Variants in OSR2 observed in about 807,000 individuals in gnomAD.
OSR2 encodes odd-skipped related transciption factor 2, also known as protein odd-skipped-related 2.
In OSR2, 8 loss-of-function variants were observed where a neutral mutation model predicts 22.3. The ratio of observed to expected loss-of-function variants is 0.36; its 90% CI spans 0.21 to 0.65. OSR2 has a LOEUF of 0.65. Ranked by LOEUF, OSR2 falls within the 30% of genes least tolerant of loss-of-function variation. The pLI is 0.66. For synonymous variants in OSR2, 179 were observed against 173.8 expected (o/e 1.03, Z -0.23); for missense variants, 311 against 413.4 (o/e 0.75, Z 2.15).
At position 98,951,687 on chromosome 8, in the gene OSR2, C is replaced by T. The variant is rs773477860; in HGVS notation, c.925C>T (p.Arg309Trp). The change falls in exon 4 of 4, where the codon CGG becomes TGG. Residue 309 changes from arginine to tryptophan, a missense_variant. Physicochemically the swap from Arg to Trp is moderately radical, Grantham distance 101. Around this residue, in one of 5 missense-constraint regions of OSR2, gnomAD observed 70 missense variants for 84.5 expected, o/e 0.83. Coordinates refer to ENST00000297565, the MANE Select transcript of OSR2 (RefSeq NM_001142462.3). ...LRRHSLTHTPRQDF is the reference protein window; with the variant it reads ...LRRHSLTHTPWQDF ...GCGGCACAGCCTGACTCACACCCCGCGGCAGGACTTCTAGAGAAGCCCAGG... is the reference window on the plus strand; with the variant it reads ...GCGGCACAGCCTGACTCACACCCCGTGGCAGGACTTCTAGAGAAGCCCAGG... 27 of 1,613,090 alleles carry T rather than the reference C, an allele frequency of 1.7e-5. No individual in the cohort carries two copies. Among genetic ancestry groups the T allele is most frequent in the East Asian group, 1.1e-4 (5 of 44,866 alleles).
Position 98,948,376 on chromosome 8 carries a change from G to T in OSR2, c.-114-463G>T. 1 of 1,488,958 alleles carries T rather than the reference G, an allele frequency of 6.7e-7. No homozygotes were observed. The highest frequency in any genetic ancestry group is 8.9e-7 in the Non-Finnish European group (1 of 1,121,624). 92.2% of individuals were successfully genotyped at this position (1,488,958 alleles called of 1,614,324 possible). ...GCGCGTGGGATCTCACGACCCATCC[G>T]TTAACCCACCGTTCCCAGGAGCTCC... On this transcript the variant is annotated intron_variant, in intron 1 of 3. Transcript: ENST00000297565. The surrounding 1 kb of genome is among the most constrained non-coding windows in gnomAD (Gnocchi z 6.0).
At chr8:98,947,757 C>G (rs1389552815) in intron 1 of OSR2, among the ~76,000 whole-genome samples, 1 of 152,134 alleles carries the variant, frequency 6.6e-6, no homozygotes, top group African/African-American at 2.4e-5. Context: ...GGCCAACGGA[C>G]AAGGTTCCTG....
rs1707626631 is a variant in OSR2 at position 98,951,869 on chromosome 8, A to G, written c.*168A>G. On this transcript the variant is annotated 3_prime_UTR_variant, in exon 4 of 4. Coordinates refer to ENST00000297565, the MANE Select transcript of OSR2 (RefSeq NM_001142462.3). ...TTAACTCTTCTTCTGGGGGACTGAG[A>G]ACTGTAGAAAGCCACACACTACTAC... 7 of 639,330 alleles carry G rather than the reference A, an allele frequency of 1.1e-5. No individual in the cohort carries two copies. The highest frequency in any genetic ancestry group is 1.9e-5 in the Non-Finnish European group (7 of 374,600). 39.6% of individuals were successfully genotyped at this position (639,330 alleles called of 1,614,324 possible). A position where few individuals can be genotyped will look rare whatever the true frequency, so the allele number is the denominator to read the frequency against.
intron 1 of OSR2, chr8:98,946,110 T>C (rs1331472567): frequency 6.6e-6 from 1 of 152,256 alleles, no homozygotes; most frequent in Non-Finnish European, 1.5e-5. Flanking sequence ...TTTCTCCACA[T>C]GCCTGGAAAT....
In OSR2 at chr8:98,948,993, C is replaced by G. The variant is rs764701063; in HGVS notation, c.41C>G (p.Pro14Arg). 2 of 1,613,868 alleles carry G rather than the reference C, an allele frequency of 1.2e-6. No homozygotes were observed. The highest frequency in any genetic ancestry group is 2.2e-5 in the South Asian group (2 of 91,094). The change falls in exon 2 of 4, where the codon CCG (proline) becomes CGG (arginine). Residue 14 changes from proline (P) to arginine (R), a missense_variant. Pro to Arg is a moderately radical substitution (Grantham distance 103, BLOSUM62 -2). Coordinates refer to ENST00000297565, the MANE Select transcript of OSR2 (RefSeq NM_001142462.3). This position sits in a 1 kb window ranked among gnomAD's most constrained non-coding sequence, Gnocchi z 6.0. ...CTGCCAGCGCCCATCCCGCTCCACCCGTCGCTGCAGCTCACCAATTACTCC... is the reference window on the plus strand; with the variant it reads ...CTGCCAGCGCCCATCCCGCTCCACCGGTCGCTGCAGCTCACCAATTACTCC... ...KALPAPIPLH[P>R]SLQLTNYSFL...
chr8:98,945,571 TG>T (rs1840587303), intron 1 of OSR2, among the ~76,000 whole-genome samples: 1 of 152,172 alleles, frequency 6.6e-6, no homozygotes, highest in African/African-American at 2.4e-5. Flanking sequence ...ACTGCAGTCC[TG>T]GGCAGAACAA....
At chr8:98,946,272 C>T (rs1281738676) in intron 1 of OSR2, 1 of 152,244 alleles carries the variant, frequency 6.6e-6, no homozygotes, top group East Asian at 1.9e-4. Context: ...ATGATGATCG[C>T]TGTTATTTCC....
chr8:98,950,457 C>T (rs1840748737), intron 2 of OSR2, among the ~76,000 whole-genome samples, 199 bp from the exon 3 acceptor site: 1 of 151,862 alleles, frequency 6.6e-6, no homozygotes, highest in African/African-American at 2.4e-5. Context: ...AGATAAAGCC[C>T]GCGGGCTGGT....
At position 98,948,316 on chromosome 8, in the gene OSR2, CG is replaced by C. The variant is rs761397025; in HGVS notation, c.-114-520del. On this transcript the variant is annotated intron_variant, in intron 1 of 3. Coordinates refer to ENST00000297565, the MANE Select transcript of OSR2 (RefSeq NM_001142462.3). This position sits in a 1 kb window ranked among gnomAD's most constrained non-coding sequence, Gnocchi z 6.0. ...CGCCGGCTTGCCATCCGGGTAAGCG[CG>C]GGAAAGGCGGCCACAGGGCGCGGCG... 5 of 1,524,692 alleles carry C rather than the reference CG, an allele frequency of 3.3e-6. No individual in the cohort carries two copies. The Middle Eastern group carries it at 5.0e-4, about 153-fold the overall frequency. The allele number at this position is 1,524,692 out of a possible 1,614,324, so 94.4% of individuals were successfully genotyped here. A position where few individuals can be genotyped will look rare whatever the true frequency, so the allele number is the denominator to read the frequency against.
At chr8:98,945,988 T>A (rs1360054848) in intron 1 of OSR2, 1 of 152,228 alleles carries the variant, frequency 6.6e-6, no homozygotes. Context: ...GCGAAACTCC[T>A]TATCAAGTTA....
In OSR2 at chr8:98,948,842, T is replaced by C; in HGVS notation, c.-111T>C. On this transcript the variant is annotated 5_prime_UTR_variant, in exon 2 of 4. Transcript: ENST00000297565. The surrounding 1 kb of genome is among the most constrained non-coding windows in gnomAD (Gnocchi z 6.0). Reference sequence around the variant, plus strand: ...CTCTCTTCCCTGCCATTTTTAGGGCTTTCTCTACGTGCTGTTGTCTCACTG... The same window carrying C: ...CTCTCTTCCCTGCCATTTTTAGGGCCTTCTCTACGTGCTGTTGTCTCACTG... The C allele has an allele frequency of 6.3e-7, 1 of 1,593,708 alleles. No homozygotes were observed.
Position 98,950,656 on chromosome 8 carries a change from A to G in OSR2, c.657A>G (p.Arg219=), listed in dbSNP as rs771419691. ...FRRQDHLRDH[R]YIHSKEKPFK... is the part of the protein sequence containing the mutation. ...AATGAAACCTTATATTGATTTTCAG[A>G]TACATCCATTCCAAAGAAAAACCCT... The change falls in exon 3 of 4, where the codon AGA becomes AGG. Residue 219 remains arginine (R), a splice_region_variant and synonymous_variant. Coordinates refer to ENST00000297565, the MANE Select transcript of OSR2 (RefSeq NM_001142462.3). The G allele has an allele frequency of 1.2e-6, 2 of 1,601,262 alleles. No individual in the cohort carries two copies. The highest frequency in any genetic ancestry group is 1.7e-6 in the Non-Finnish European group (2 of 1,169,790).
chr8:98,949,464 A>G lies in OSR2; in HGVS notation c.512A>G (p.Glu171Gly). The G allele has an allele frequency of 6.2e-7, 1 of 1,614,026 alleles. No homozygotes were observed. Among genetic ancestry groups the G allele is most frequent in the Non-Finnish European group, 8.5e-7 (1 of 1,179,894 alleles). ...AGGTTGCCCTCCAAAACGAAAAAAG[A>G]GTTTATCTGCAAGTTTTGCGGCAGA... ...RGRLPSKTKK[E>G]FICKFCGRHF... The change falls in exon 2 of 4, where the codon GAG becomes GGG. Residue 171 changes from glutamate to glycine, a missense_variant. Transcript: ENST00000297565. The surrounding 1 kb of genome is among the most constrained non-coding windows in gnomAD (Gnocchi z 5.9).
chr8:98,951,832 A>G lies in OSR2; in HGVS notation c.*131A>G. The G allele has an allele frequency of 1.2e-6, 1 of 836,924 alleles. No homozygotes were observed. The highest frequency in any genetic ancestry group is 1.8e-6 in the Non-Finnish European group (1 of 551,660). 51.8% of individuals were successfully genotyped at this position (836,924 alleles called of 1,614,324 possible). A position where few individuals can be genotyped will look rare whatever the true frequency, so the allele number is the denominator to read the frequency against. ...CTTCCCTTGCTGCAGCCGCACCTGC[A>G]GCTCCAGGGAGTTAACTCTTCTTCT... On this transcript the variant is annotated 3_prime_UTR_variant, in exon 4 of 4. Transcript: ENST00000297565.
At position 98,949,395 on chromosome 8, in the gene OSR2, C is replaced by T; in HGVS notation, c.443C>T (p.Ser148Leu). 1 of 1,613,548 alleles carries T rather than the reference C, an allele frequency of 6.2e-7. No homozygotes were observed. Among genetic ancestry groups the T allele is most frequent in the Non-Finnish European group, 8.5e-7 (1 of 1,179,574 alleles). ...KLSPGLGSPI[S>L]GLSKLTPDRK... ...AGCCCAGGACTGGGTAGCCCCATCT[C>T]GGGCCTCAGTAAATTGACTCCGGAC... is the stretch of plus-strand genomic sequence containing the variant. Residue 148 changes from serine to leucine, a missense_variant, in exon 2 of 4, where the codon TCG (serine) becomes TTG (leucine). Coordinates refer to ENST00000297565, the MANE Select transcript of OSR2 (RefSeq NM_001142462.3). This position sits in a 1 kb window ranked among gnomAD's most constrained non-coding sequence, Gnocchi z 5.9.
At position 98,951,748 on chromosome 8, in the gene OSR2, C is replaced by G. The variant is rs142318455; in HGVS notation, c.*47C>G. On this transcript the variant is annotated 3_prime_UTR_variant, in exon 4 of 4. Coordinates refer to ENST00000297565, the MANE Select transcript of OSR2 (RefSeq NM_001142462.3). ...TGCCGCCGCTGCTCCCCTCCCCAGA[C>G]ACCTCTCCACGTCTCCTACCCAGGG... 347 of 1,559,294 alleles carry G rather than the reference C, an allele frequency of 2.2e-4. 2 individuals are homozygous for G. The African/African-American group carries it at 4.4e-3, about 20-fold the overall frequency.
Position 98,949,679 on chromosome 8 carries a change from A to G in OSR2, c.656+71A>G. 6.0e-6 allele frequency: 9 copies of G among 1,507,930 alleles called. No individual in the cohort carries two copies. The highest frequency in any genetic ancestry group is 8.1e-6 in the Non-Finnish European group (9 of 1,115,728). 93.4% of individuals were successfully genotyped at this position (1,507,930 alleles called of 1,614,324 possible). Reference sequence around the variant, plus strand: ...TCCTGGACACACCGAGTCCTGATAGACATTCCCAGTGTCATTATAATCCCC... The same window carrying G: ...TCCTGGACACACCGAGTCCTGATAGGCATTCCCAGTGTCATTATAATCCCC... On this transcript the variant is annotated intron_variant, in intron 2 of 3. Transcript: ENST00000297565. The surrounding 1 kb of genome is among the most constrained non-coding windows in gnomAD (Gnocchi z 5.9).
intron 1 of OSR2, among the ~76,000 whole-genome samples, chr8:98,947,423 G>A (rs577815864): frequency 1.3e-5 from 2 of 152,244 alleles, no homozygotes; most frequent in South Asian, 4.1e-4. Context: ...GGGAAGGGAA[G>A]GCTGGAGTCT....
Position 98,948,032 on chromosome 8 carries a change from C to G in OSR2, c.-114-807C>G, listed in dbSNP as rs1021913035. 4 of 1,036,040 alleles carry G rather than the reference C, an allele frequency of 3.9e-6. No individual in the cohort carries two copies. 64.2% of individuals were successfully genotyped at this position (1,036,040 alleles called of 1,614,324 possible). A position where few individuals can be genotyped will look rare whatever the true frequency, so the allele number is the denominator to read the frequency against. On this transcript the variant is annotated intron_variant, in intron 1 of 3. Coordinates refer to ENST00000297565, the MANE Select transcript of OSR2 (RefSeq NM_001142462.3). This position sits in a 1 kb window ranked among gnomAD's most constrained non-coding sequence, Gnocchi z 6.0. Reference sequence around the variant, plus strand: ...GACGTTCTCCGCCCCCACCCCACCCCCTGGGAGCCTGAACCATCTGGAAGG... The same window carrying G: ...GACGTTCTCCGCCCCCACCCCACCCGCTGGGAGCCTGAACCATCTGGAAGG...
Sources: allele counts gnomAD v4.1 joint callset (sites outside exome capture counted in the v4.1 genomes callset), GRCh38; gene constraint gnomAD v4.1.1; regional missense constraint gnomAD v4.1.1; non-coding constraint Gnocchi (gnomAD v3.1); transcripts MANE v1.5; gene names NCBI Gene and HGNC (gene_info 2026-07-23, HGNC 2026-07-21).